The following CENPE variants were observed in gnomAD, a reference collection of about 807,000 sequenced individuals.
CENPE encodes the protein centromere-associated protein E.
In CENPE, 145 loss-of-function variants were observed where a neutral mutation model predicts 336.1. The ratio of observed to expected loss-of-function variants is 0.43; its 90% CI spans 0.38 to 0.50. The LOEUF is 0.50. Ranked by LOEUF, CENPE falls within the 20% of genes least tolerant of loss-of-function variation. The probability of loss-of-function intolerance (pLI) is 0.00; values close to 1 mark genes in which losing one functional copy is unlikely to be tolerated. For synonymous variants in CENPE, 1,013 were observed against 984.8 expected, an observed-to-expected ratio of 1.03 and a Z score of -0.54; for missense variants, 2,719 against 3,023.3, an observed-to-expected ratio of 0.90 and a Z score of 2.36.
chr4:103,133,909 A>G lies in CENPE; in HGVS notation c.6523-17T>C. On this transcript the variant is annotated splice_polypyrimidine_tract_variant and intron_variant, in intron 40 of 48. Coordinates refer to ENST00000265148, the MANE Select transcript of CENPE (RefSeq NM_001813.3). ...TAACACATACTTGCAGAAAAAAATT[A>G]AACAAATTGGTAAATGAAAATTTTG... The G allele has an allele frequency of 6.6e-7, 1 of 1,513,468 alleles. No homozygotes were observed. Among genetic ancestry groups the G allele is most frequent in the Non-Finnish European group, 9.0e-7 (1 of 1,107,538 alleles). The allele number at this position is 1,513,468 out of a possible 1,614,324, so 93.8% of individuals were successfully genotyped here.
intron 18 of CENPE, 123 bp from the exon 19 acceptor site, chr4:103,161,580 C>A: frequency 2.8e-6 from 2 of 718,880 alleles, no homozygotes; most frequent in South Asian, 4.9e-5. Context: ...ATGCTAGTTA[C>A]CAAATATATA....
chr4:103,196,502 A>G (rs948223419), intron 2 of CENPE, among the ~76,000 whole-genome samples: 2 of 152,198 alleles, frequency 1.3e-5, no homozygotes, highest in Non-Finnish European at 2.9e-5. Context: ...TCAAGAGGCA[A>G]TAAGGTATAG....
At chr4:103,145,499 A>G in intron 31 of CENPE, 24 bp downstream of exon 31, 1 of 1,581,486 alleles carries the variant, frequency 6.3e-7, no homozygotes, top group South Asian at 1.2e-5. Flanking sequence ...ATTTCCTCCC[A>G]CTGTTTCTTC....
intron 16 of CENPE, among the ~76,000 whole-genome samples, chr4:103,167,808 T>A (rs1353973642): frequency 6.6e-6 from 1 of 152,180 alleles, no homozygotes; most frequent in African/African-American, 2.4e-5. Flanking sequence ...CAGCCCTGTT[T>A]GGCCTAGAGT....
Position 103,163,157 on chromosome 4 carries a change from T to C in CENPE, c.1822A>G (p.Met608Val). The C allele has an allele frequency of 6.2e-7, 1 of 1,609,044 alleles. No homozygotes were observed. Residue 608 changes from methionine (M) to valine (V), a missense_variant, in exon 18 of 49, where the codon ATG becomes GTG. By Grantham distance (21) the Met-to-Val change is conservative (BLOSUM62 1). Around this residue, in one of 5 missense-constraint regions of CENPE, gnomAD observed 2,437 missense variants for 2,513.3 expected, o/e 0.97. Transcript: ENST00000265148. ...TTTACCAATGAGTATGACAAGTCCATTTTTATATTTTCTAGCTTTTGAGAG... is the reference window on the plus strand; with the variant it reads ...TTTACCAATGAGTATGACAAGTCCACTTTTATATTTTCTAGCTTTTGAGAG... ...IDSQKLENIKMDLSYSLESIE... is the reference protein window; with the variant it reads ...IDSQKLENIKVDLSYSLESIE...
chr4:103,158,567 TTTTA>T, intron 23 of CENPE, 43 bp downstream of exon 23: 1 of 1,547,198 alleles, frequency 6.5e-7, no homozygotes. Context: ...TCTGCAATGT[TTTTA>T]AGAGTCTCCA....
At chr4:103,131,520 C>A (rs1286749867) in intron 42 of CENPE, among the ~76,000 whole-genome samples, 3 of 152,132 alleles carry the variant, frequency 2.0e-5, no homozygotes, top group African/African-American at 7.2e-5. Context: ...CAAAATGGTA[C>A]CGCCCCTTTG....
intron 24 of CENPE, among the ~76,000 whole-genome samples, chr4:103,156,676 AT>A (rs997530216): frequency 6.6e-6 from 1 of 152,134 alleles, no homozygotes; most frequent in African/African-American, 2.4e-5. Context: ...CTTGGCAATG[AT>A]TTCTTGGATA....
At chr4:103,198,160 A>G in intron 1 of CENPE, 104 bp downstream of exon 1, 1 of 1,117,104 alleles carries the variant, frequency 9.0e-7, no homozygotes, top group Non-Finnish European at 1.3e-6. Flanking sequence ...TAGACAGCAG[A>G]GCCGGGAAGC....
chr4:103,141,612 G>T, intron 35 of CENPE, 138 bp downstream of exon 35: 1 of 580,578 alleles, frequency 1.7e-6, no homozygotes. Flanking sequence ...GGAAATGTTG[G>T]GCCTCAGGCA....
At position 103,195,095 on chromosome 4, in the gene CENPE, C is replaced by T; in HGVS notation, c.477+19G>A. 6.4e-7 allele frequency: 1 copy of T among 1,561,784 alleles called. No homozygotes were observed. ...AATAAGTCAGTCAATTTTAAAGCTC[C>T]CTTAAGTCTGCTACTCACATTGACA... is the stretch of plus-strand genomic sequence containing the variant. On this transcript the variant is annotated intron_variant, in intron 5 of 48. Coordinates refer to ENST00000265148, the MANE Select transcript of CENPE (RefSeq NM_001813.3).
chr4:103,147,204 T>A, intron 29 of CENPE, 152 bp downstream of exon 29: 1 of 598,980 alleles, frequency 1.7e-6, no homozygotes, highest in Non-Finnish European at 2.7e-6. Flanking sequence ...AAGAGCAATT[T>A]TTAATTGTTC....
chr4:103,140,722 T>G lies in CENPE; in HGVS notation c.5754+92A>C, dbSNP rs1347840439. 7.6e-6 allele frequency: 8 copies of G among 1,057,900 alleles called. No homozygotes were observed. In the East Asian group the frequency reaches 1.9e-4, roughly 26 times the overall value. The allele number at this position is 1,057,900 out of a possible 1,614,324, so 65.5% of individuals were successfully genotyped here. A position where few individuals can be genotyped will look rare whatever the true frequency, so the allele number is the denominator to read the frequency against. The stretch of plus-strand genomic sequence containing the variant: ...GGTGGACACTTAGATTATTTCTAGG[T>G]TTTAGTCACCAGACACAACGCTGCA... On this transcript the variant is annotated intron_variant, in intron 36 of 48. Transcript: ENST00000265148.
intron 46 of CENPE, among the ~76,000 whole-genome samples, chr4:103,113,532 T>C (rs957542896): frequency 3.6e-5 from 5 of 140,350 alleles, no homozygotes; most frequent in Admixed American, 1.5e-4. Flanking sequence ...TTATATATAA[T>C]ATATAACTTA....
chr4:103,179,773 G>A lies in CENPE; in HGVS notation c.1242+538C>T, dbSNP rs568488206. ...GAAATGACAGATTCAAATCCAGGAA[G>A]TCTAGCTCCAGAGGTCATTCTCTTA... On this transcript the variant is annotated intron_variant, in intron 13 of 48. Coordinates refer to ENST00000265148, the MANE Select transcript of CENPE (RefSeq NM_001813.3). Among the ~76,000 whole-genome samples, 11 of 152,276 alleles carry A rather than the reference G, an allele frequency of 7.2e-5. No individual in the cohort carries two copies. In the South Asian group the frequency reaches 2.3e-3, roughly 32 times the overall value.
At chr4:103,165,355 A>G (rs1328148145) in intron 16 of CENPE, among the ~76,000 whole-genome samples, 1 of 152,206 alleles carries the variant, frequency 6.6e-6, no homozygotes, top group Admixed American at 6.5e-5. Flanking sequence ...TTCCTCGAGT[A>G]TGGTGATACT....
Position 103,162,516 on chromosome 4 carries a change from T to C in CENPE, c.1842+621A>G, listed in dbSNP as rs1254722356. Among the ~76,000 whole-genome samples, 3 of 152,060 alleles carry C rather than the reference T, an allele frequency of 2.0e-5. No homozygotes were observed. The East Asian group carries it at 5.8e-4, about 29-fold the overall frequency. The stretch of plus-strand genomic sequence containing the variant: ...AATATTTAAGATCTTGACTATATAC[T>C]ACTGCATGCATTTGTATAAAACTAC... On this transcript the variant is annotated intron_variant, in intron 18 of 48. Transcript: ENST00000265148.
intron 32 of CENPE, 34 bp downstream of exon 32, chr4:103,145,016 A>G: frequency 6.9e-7 from 1 of 1,453,490 alleles, no homozygotes; most frequent in Non-Finnish European, 9.2e-7. Context: ...CTATTTCTGT[A>G]TCCAAAAAAA....
intron 42 of CENPE, among the ~76,000 whole-genome samples, chr4:103,129,064 G>A (rs910324929): frequency 1.3e-5 from 2 of 152,028 alleles, no homozygotes; most frequent in Admixed American, 6.6e-5. Flanking sequence ...AAAAATATTA[G>A]GAACAACTCA....
Sources: gnomAD v4.1 joint callset for allele counts (sites outside exome capture counted in the v4.1 genomes callset) on GRCh38, gnomAD v4.1.1 for gene constraint, gnomAD v4.1.1 regional missense constraint, MANE v1.5 for transcripts, NCBI Gene and HGNC (gene_info 2026-07-23, HGNC 2026-07-21) for gene names.